TRIM37: variants seen among roughly 807,000 people sequenced by gnomAD.
The protein encoded by TRIM37 is E3 ubiquitin-protein ligase TRIM37.
Under a neutral mutation model 129.8 loss-of-function variants are expected in TRIM37, and 80 were observed. That is an observed-to-expected ratio of 0.62 (90% CI 0.51 to 0.74). The LOEUF (loss-of-function observed/expected upper bound fraction) is 0.74, where lower values mean the gene tolerates loss of function less well. Among genes scored for constraint, TRIM37 ranks in the 30% least tolerant of loss-of-function variants. The probability of loss-of-function intolerance (pLI) is 0.00; values close to 1 mark genes in which losing one functional copy is unlikely to be tolerated. For missense variants in TRIM37, 1,054 were observed against 1,176.5 expected (o/e 0.90, Z 1.52); for synonymous variants, 389 against 387.1 (o/e 1.00, Z -0.06).
chr17:59,079,290 G>C (rs2043069254), intron 7 of TRIM37, among the ~76,000 whole-genome samples: 1 of 152,070 alleles, frequency 6.6e-6, no homozygotes, highest in Non-Finnish European at 1.5e-5. Context: ...AAGCAAAAAG[G>C]TCAGCAATAA....
rs1387443717 is a variant in TRIM37, at chr17:59,017,424, G to A, written c.2258C>T (p.Ser753Phe). The change falls in exon 20 of 24, where the codon TCC (serine) becomes TTC (phenylalanine). Residue 753 changes from serine (S) to phenylalanine (F), a missense_variant and splice_region_variant. By Grantham distance (155) the Ser-to-Phe change is radical. Around this residue, in one of 3 missense-constraint regions of TRIM37, gnomAD observed 287 missense variants for 274.3 expected, o/e 1.05. Transcript: ENST00000262294. ...GGGCGAATTACTCTTCTTATTTGTG[G>A]CTGCAAAGACATTTAAGAACACCTC... Reference protein sequence around the residue: ...SSVANCYIRNSTNKKSNSPKP... With the variant: ...SSVANCYIRNFTNKKSNSPKP... The A allele has an allele frequency of 2.5e-6, 4 of 1,613,846 alleles. No individual in the cohort carries two copies. The South Asian group carries it at 3.3e-5, about 13-fold the overall frequency.
chr17:58,990,870 C>T (rs1349236802), intron 24 of TRIM37, among the ~76,000 whole-genome samples: 1 of 149,860 alleles, frequency 6.7e-6, no homozygotes, highest in Non-Finnish European at 1.5e-5. Context: ...AACCACACCA[C>T]ACCTAAGAAA....
intron 13 of TRIM37, among the ~76,000 whole-genome samples, chr17:59,051,807 T>C (rs1348851644): frequency 6.6e-6 from 1 of 151,574 alleles, no homozygotes; most frequent in Non-Finnish European, 1.5e-5. Flanking sequence ...CTCGGCTCAC[T>C]GCAAGCTCCA....
In TRIM37 at chr17:59,106,730, G is replaced by C. The variant is rs765990060; in HGVS notation, c.-269C>G. 5.2e-6 allele frequency: 3 copies of C among 573,526 alleles called. No homozygotes were observed. Among genetic ancestry groups the C allele is most frequent in the African/African-American group, 1.9e-5 (1 of 51,638 alleles). The allele number at this position is 573,526 out of a possible 1,614,324, so 35.5% of individuals were successfully genotyped here. On this transcript the variant is annotated 5_prime_UTR_variant, in exon 1 of 24. Transcript: ENST00000262294. Reference sequence around the variant, plus strand: ...GCTCCTTTCTCCCGGCTCAGCCGCCGGCCAGCAGCCGCGCCGGAACCTCGG... The same window carrying C: ...GCTCCTTTCTCCCGGCTCAGCCGCCCGCCAGCAGCCGCGCCGGAACCTCGG...
chr17:59,049,550 T>C (rs2040150805), intron 14 of TRIM37, among the ~76,000 whole-genome samples, 157 bp from the exon 15 acceptor site: 1 of 152,220 alleles, frequency 6.6e-6, no homozygotes, highest in African/African-American at 2.4e-5. Context: ...TGAAGTGCAG[T>C]GGTGCCATCA....
At chr17:59,009,158 G>A (rs750289123) in intron 22 of TRIM37, among the ~76,000 whole-genome samples, 3 of 151,884 alleles carry the variant, frequency 2.0e-5, no homozygotes, top group South Asian at 2.1e-4. Flanking sequence ...ACAGAGTCTC[G>A]CTCTGTCACC....
At chr17:59,045,887 A>T (rs908553917) in intron 16 of TRIM37, among the ~76,000 whole-genome samples, 1 of 151,178 alleles carries the variant, frequency 6.6e-6, no homozygotes, top group African/African-American at 2.4e-5. Context: ...GTGGTGGTGC[A>T]CGCCTGTAAT....
rs2041737930 is a variant in TRIM37 at position 59,064,185 on chromosome 17, C to A, written c.860+170G>T. The A allele has an allele frequency of 8.1e-6, 5 of 618,512 alleles. No homozygotes were observed. The South Asian group carries it at 8.8e-5, about 11-fold the overall frequency. 38.3% of individuals were successfully genotyped at this position (618,512 alleles called of 1,614,324 possible). A position where few individuals can be genotyped will look rare whatever the true frequency, so the allele number is the denominator to read the frequency against. On this transcript the variant is annotated intron_variant, in intron 10 of 23. Coordinates refer to ENST00000262294, the MANE Select transcript of TRIM37 (RefSeq NM_015294.6). Reference sequence around the variant, plus strand: ...TAGAGAAGCAGTCAGTCTAAAGATACAATATAATCCAGCACAAATTATCTC... The same window carrying A: ...TAGAGAAGCAGTCAGTCTAAAGATAAAATATAATCCAGCACAAATTATCTC...
intron 24 of TRIM37, among the ~76,000 whole-genome samples, chr17:58,988,620 C>T (rs1186314883): frequency 1.3e-5 from 2 of 152,132 alleles, no homozygotes; most frequent in Non-Finnish European, 2.9e-5. Flanking sequence ...CAGCCCCTCC[C>T]CAGCCCCCGT....
chr17:59,028,672 C>T lies in TRIM37; in HGVS notation c.2000G>A (p.Arg667Gln), dbSNP rs781326614. ...KDQRKQQAMW[R>Q]VPSDLKMLKR... is the part of the protein sequence containing the mutation. ...TAGCATCTTTAAATCAGAGGGCACT[C>T]GCCACATTGCCTGTTGCTTCCTTTG... Residue 667 changes from arginine (R) to glutamine (Q), a missense_variant, in exon 19 of 24, where the codon CGA becomes CAA. By Grantham distance (43) the Arg-to-Gln change is conservative. Transcript: ENST00000262294. 10 of 1,614,172 alleles carry T rather than the reference C, an allele frequency of 6.2e-6. No individual in the cohort carries two copies. Among genetic ancestry groups the T allele is most frequent in the East Asian group, 4.5e-5 (2 of 44,884 alleles).
chr17:59,099,671 C>A (rs996699416), intron 2 of TRIM37, among the ~76,000 whole-genome samples: 1 of 152,080 alleles, frequency 6.6e-6, no homozygotes, highest in Non-Finnish European at 1.5e-5. Flanking sequence ...CAAGGAGATA[C>A]CTGTAAGAAT....
the TRIM37 span, among the ~76,000 whole-genome samples, chr17:58,974,037 A>G: frequency 6.6e-6 from 1 of 150,728 alleles, no homozygotes; most frequent in Non-Finnish European, 1.5e-5. Context: ...CTGAGGCGGA[A>G]GGATTGCTTG....
chr17:59,030,266 C>T lies in TRIM37; in HGVS notation c.1949-1543G>A, dbSNP rs557255701. ...GATTACAGGCACCTGCCACAATGGCCGGCTAATTTTTTGTATTTTTAGTAG... is the reference window on the plus strand; with the variant it reads ...GATTACAGGCACCTGCCACAATGGCTGGCTAATTTTTTGTATTTTTAGTAG... On this transcript the variant is annotated intron_variant, in intron 18 of 23. Coordinates refer to ENST00000262294, the MANE Select transcript of TRIM37 (RefSeq NM_015294.6). Among the ~76,000 whole-genome samples the T allele has an allele frequency of 2.0e-5, 3 of 152,252 alleles. No homozygotes were observed. In the East Asian group the frequency reaches 5.8e-4, roughly 29 times the overall value.
intron 22 of TRIM37, among the ~76,000 whole-genome samples, chr17:59,008,019 T>C (rs1041756628): frequency 1.3e-5 from 2 of 152,236 alleles, no homozygotes; most frequent in Admixed American, 6.5e-5. Flanking sequence ...TATAGGTATA[T>C]AAGGGTTTCC....
intron 17 of TRIM37, among the ~76,000 whole-genome samples, chr17:59,036,884 G>T (rs964973883): frequency 6.6e-6 from 1 of 151,876 alleles, no homozygotes; most frequent in Non-Finnish European, 1.5e-5. Context: ...AGGCTGAGGC[G>T]GGTGGATCAC....
intron 17 of TRIM37, among the ~76,000 whole-genome samples, 173 bp downstream of exon 17, chr17:59,041,640 G>A (rs1475543954): frequency 1.3e-5 from 2 of 152,126 alleles, no homozygotes; most frequent in Non-Finnish European, 2.9e-5. Context: ...GTTAGCTATT[G>A]TTTTAAATAT....
intron 16 of TRIM37, among the ~76,000 whole-genome samples, chr17:59,046,854 T>A (rs2039864666): frequency 6.7e-6 from 1 of 148,580 alleles, no homozygotes. Context: ...AACAAATTTT[T>A]AAAAAAGTAA....
intron 8 of TRIM37, among the ~76,000 whole-genome samples, chr17:59,071,542 C>G (rs1035285432): frequency 1.3e-5 from 2 of 152,088 alleles, no homozygotes; most frequent in African/African-American, 4.8e-5. Flanking sequence ...GCCTCGGCCT[C>G]CCCAAGTGCT....
downstream of TRIM37, among the ~76,000 whole-genome samples, chr17:58,994,483 A>C (rs2032773641): frequency 6.6e-6 from 1 of 152,194 alleles, no homozygotes; most frequent in Non-Finnish European, 1.5e-5. Context: ...GCTACCTGAG[A>C]GGCTGAGGTG....
Sources: gnomAD v4.1 joint callset for allele counts (sites outside exome capture counted in the v4.1 genomes callset) on GRCh38, gnomAD v4.1.1 for gene constraint, gnomAD v4.1.1 regional missense constraint, MANE v1.5 for transcripts, NCBI Gene and HGNC (gene_info 2026-07-23, HGNC 2026-07-21) for gene names.